FNDC7: variants seen among roughly 807,000 people sequenced by gnomAD.
FNDC7 encodes fibronectin type III domain-containing protein 7.
A neutral mutation model predicts 74.2 loss-of-function variants in FNDC7; 66 were observed. The ratio of observed to expected loss-of-function variants is 0.89; its 90% CI spans 0.73 to 1.09. The LOEUF is 1.09. Ranked by LOEUF, FNDC7 falls within the 50% of genes least tolerant of loss-of-function variation. The pLI is 0.00. For synonymous variants in FNDC7, 307 were observed against 330.2 expected (o/e 0.93, Z 0.76); for missense variants, 829 against 893.4 (o/e 0.93, Z 0.92).
At chr1:108,732,307 C>A (rs1302546890) in intron 9 of FNDC7, among the ~76,000 whole-genome samples, 3 of 140,922 alleles carry the variant, frequency 2.1e-5, no homozygotes, top group African/African-American at 8.0e-5. Flanking sequence ...TGCAGTGAGC[C>A]GACCAGCCTG....
At chr1:108,717,602 T>C (rs1228469073) in intron 2 of FNDC7, among the ~76,000 whole-genome samples, 175 bp from the exon 3 acceptor site, 1 of 152,196 alleles carries the variant, frequency 6.6e-6, no homozygotes, top group African/African-American at 2.4e-5. Context: ...TCTGGATCTC[T>C]TCTGGAGAGT....
In FNDC7 at chr1:108,736,917, A is replaced by T. The variant is rs148875728; in HGVS notation, c.2141-578A>T. Among the ~76,000 whole-genome samples, 220 of 151,824 alleles carry T rather than the reference A, an allele frequency of 1.4e-3. 2 individuals carry two copies. Among genetic ancestry groups the T allele is most frequent in the African/African-American group, 5.1e-3 (213 of 41,416 alleles). On this transcript the variant is annotated intron_variant, in intron 10 of 12. Coordinates refer to ENST00000370017, the MANE Select transcript of FNDC7 (RefSeq NM_001144937.3). ...TGCCAGGCACTGTTCTAAGGGGTTT[A>T]CATATATTAACTCAGTCCTTACAAC...
At chr1:108,725,509 G>T (rs994257103) in intron 5 of FNDC7, among the ~76,000 whole-genome samples, 1 of 152,180 alleles carries the variant, frequency 6.6e-6, no homozygotes, top group Admixed American at 6.5e-5. Flanking sequence ...CATATAACAA[G>T]AGAATGTGAG....
Position 108,734,014 on chromosome 1 carries a change from G to A in FNDC7, c.2140+482G>A, listed in dbSNP as rs1405623449. On this transcript the variant is annotated intron_variant, in intron 10 of 12. Coordinates refer to ENST00000370017, the MANE Select transcript of FNDC7 (RefSeq NM_001144937.3). ...CTGTGGAAGACCCCAAGATTCTTTG[G>A]AATTGTGATGCTTTATTTAATTTAG... is the stretch of plus-strand genomic sequence containing the variant. Among the ~76,000 whole-genome samples, 4 of 152,060 alleles carry A rather than the reference G, an allele frequency of 2.6e-5. No homozygotes were observed. In the East Asian group the frequency reaches 7.7e-4, roughly 29 times the overall value.
intron 10 of FNDC7, among the ~76,000 whole-genome samples, chr1:108,736,867 C>T (rs1016005078): frequency 2.0e-5 from 3 of 151,510 alleles, no homozygotes; most frequent in Admixed American, 6.6e-5. Flanking sequence ...ATGACAATAA[C>T]GACTAATGTT....
chr1:108,730,116 T>C (rs555640951), intron 8 of FNDC7, among the ~76,000 whole-genome samples: 128 of 152,238 alleles, frequency 8.4e-4, no homozygotes, highest in Admixed American at 2.3e-3. Context: ...TGGTGGCTCA[T>C]GCCTGTAATC....
intron 10 of FNDC7, among the ~76,000 whole-genome samples, chr1:108,735,116 T>C (rs1003489817): frequency 1.3e-5 from 2 of 152,200 alleles, no homozygotes; most frequent in Non-Finnish European, 2.9e-5. Context: ...TTGTTTCAGG[T>C]ACATTAGCTA....
chr1:108,740,324 T>G (rs1296600059), intron 11 of FNDC7, among the ~76,000 whole-genome samples: 1 of 137,806 alleles, frequency 7.3e-6, no homozygotes, highest in African/African-American at 2.7e-5. Flanking sequence ...CAAACTTTTT[T>G]TTTTTTTTTT....
intron 2 of FNDC7, among the ~76,000 whole-genome samples, chr1:108,714,948 C>T (rs1660943882): frequency 6.6e-6 from 1 of 152,084 alleles, no homozygotes; most frequent in Non-Finnish European, 1.5e-5. Flanking sequence ...CCGTCTCTTA[C>T]AAGGTCCTAG....
chr1:108,721,171 C>T (rs1487509909), intron 4 of FNDC7, among the ~76,000 whole-genome samples: 3 of 152,182 alleles, frequency 2.0e-5, no homozygotes, highest in Non-Finnish European at 4.4e-5. Context: ...TCCTCATGTC[C>T]TCAAAGAGGC....
chr1:108,733,206 A>C, intron 9 of FNDC7, 66 bp from the exon 10 acceptor site: 1 of 1,577,094 alleles, frequency 6.3e-7, no homozygotes, highest in Non-Finnish European at 8.6e-7. Flanking sequence ...TGCAGTAATC[A>C]AGGCCATTTT....
chr1:108,738,641 G>A (rs1014369627), intron 11 of FNDC7, among the ~76,000 whole-genome samples: 11 of 147,066 alleles, frequency 7.5e-5, no homozygotes, highest in African/African-American at 1.5e-4. Context: ...CCTTCCAGTC[G>A]GGGCTGGCTC....
Position 108,730,660 on chromosome 1 carries a change from T to G in FNDC7, c.1625-14T>G. 1 of 1,500,296 alleles carries G rather than the reference T, an allele frequency of 6.7e-7. No homozygotes were observed. Among genetic ancestry groups the G allele is most frequent in the East Asian group, 2.4e-5 (1 of 40,988 alleles). The allele number at this position is 1,500,296 out of a possible 1,614,324, so 92.9% of individuals were successfully genotyped here. On this transcript the variant is annotated splice_polypyrimidine_tract_variant and intron_variant, in intron 8 of 12. Coordinates refer to ENST00000370017, the MANE Select transcript of FNDC7 (RefSeq NM_001144937.3). The stretch of plus-strand genomic sequence containing the variant: ...AAATAAATCTCCAATTCTTTTTCTT[T>G]TATCCCATTTAAGTGCCATGCTGTC...
chr1:108,737,503 T>C lies in FNDC7; in HGVS notation c.2149T>C (p.Ser717Pro). 1 of 1,591,776 alleles carries C rather than the reference T, an allele frequency of 6.3e-7. No homozygotes were observed. Among genetic ancestry groups the C allele is most frequent in the Non-Finnish European group, 8.5e-7 (1 of 1,172,030 alleles). The change falls in exon 11 of 13, where the codon TCT (serine) becomes CCT (proline). Residue 717 changes from serine to proline, a missense_variant. Transcript: ENST00000370017. ...TTGTGTTTTTATTACAGTAACTTGC[T>C]CTGGAAGTACACTTGGAATGGGTAA... The part of the protein sequence containing the change: ...CPKKIYSVTC[S>P]GSTLGMVIYR...
At chr1:108,720,611 G>A (rs1332431431) in intron 4 of FNDC7, among the ~76,000 whole-genome samples, 2 of 152,208 alleles carry the variant, frequency 1.3e-5, no homozygotes, top group African/African-American at 4.8e-5. Flanking sequence ...GGTTCTGGAG[G>A]CTACGAAGTC....
intron 11 of FNDC7, among the ~76,000 whole-genome samples, chr1:108,738,844 C>T (rs965483978): frequency 6.6e-6 from 1 of 152,118 alleles, no homozygotes; most frequent in Non-Finnish European, 1.5e-5. Context: ...TTTTTGTTTT[C>T]TATGACTACA....
Position 108,725,751 on chromosome 1 carries a change from T to C in FNDC7, c.858T>C (p.Val286=). 6.2e-7 allele frequency: 1 copy of C among 1,613,356 alleles called. No individual in the cohort carries two copies. Among genetic ancestry groups the C allele is most frequent in the South Asian group, 1.1e-5 (1 of 90,938 alleles). Residue 286 remains valine, a splice_region_variant and synonymous_variant, in exon 6 of 13, where the codon GTT becomes GTC. Transcript: ENST00000370017. ...TGTTTATTATTGATCATTTCCTAGTTGCTTGTGCACCCGGAAGAGTGACGA... is the reference window on the plus strand; with the variant it reads ...TGTTTATTATTGATCATTTCCTAGTCGCTTGTGCACCCGGAAGAGTGACGA... ...KSSSAMTLKT[V]ACAPGRVTIQ... is the part of the protein sequence containing the mutation.
chr1:108,735,908 C>A (rs531334094), intron 10 of FNDC7, among the ~76,000 whole-genome samples: 9 of 152,286 alleles, frequency 5.9e-5, no homozygotes, highest in Admixed American at 2.0e-4. Context: ...TGGGCTCAAG[C>A]AATCCTCCTG....
rs555925917 is a variant in FNDC7 at position 108,722,341 on chromosome 1, G to T, written c.605G>T (p.Arg202Leu). 1.2e-6 allele frequency: 2 copies of T among 1,603,538 alleles called. No individual in the cohort carries two copies. The highest frequency in any genetic ancestry group is 1.7e-5 in the Admixed American group (1 of 58,428). Residue 202 changes from arginine (R) to leucine (L), a missense_variant, in exon 5 of 13, where the codon CGG (arginine) becomes CTG (leucine). Arg to Leu is a moderately radical substitution (Grantham distance 102). Transcript: ENST00000370017. ...DSTCNQRTSP[R>L]APANIQVSFD... ...TTGTTTCTCTAAAATGTAGGTCCTC[G>T]GGCCCCTGCCAACATTCAAGTCTCT...
Sources: gnomAD v4.1 joint callset for allele counts (sites outside exome capture counted in the v4.1 genomes callset) on GRCh38, gnomAD v4.1.1 for gene constraint, MANE v1.5 for transcripts, NCBI Gene and HGNC (gene_info 2026-07-23, HGNC 2026-07-21) for gene names.